The following PCDHA6 variants were observed in gnomAD, a reference collection of about 807,000 sequenced individuals.
PCDHA6 encodes protocadherin alpha 6.
In PCDHA6, 55 loss-of-function variants were observed where a neutral mutation model predicts 60.3. The ratio of observed to expected loss-of-function variants is 0.91; its 90% confidence interval spans 0.73 to 1.14. PCDHA6 has a LOEUF of 1.14. PCDHA6 is among the 50% of genes most tolerant of loss of function. PCDHA6 has a pLI of 0.00. For synonymous variants in PCDHA6, 652 were observed against 557.9 expected, an observed-to-expected ratio of 1.17 and a Z score of -2.38; for missense variants, 1,327 against 1,256.5, an observed-to-expected ratio of 1.06 and a Z score of -0.85.
intron 1 of PCDHA6, chr5:140,870,035 A>G (rs1490530166): frequency 1.2e-6 from 2 of 1,613,656 alleles, no homozygotes; most frequent in African/African-American, 2.7e-5. Context: ...GATTATGAAG[A>G]AAACAAGTTT....
Position 140,828,620 on chromosome 5 carries a change from T to C in PCDHA6, c.529T>C (p.Tyr177His), listed in dbSNP as rs2150157459. The C allele has an allele frequency of 1.9e-6, 3 of 1,614,062 alleles. No individual in the cohort carries two copies. The highest frequency in any genetic ancestry group is 2.7e-5 in the African/African-American group (2 of 74,926). Residue 177 changes from tyrosine to histidine, a missense_variant, in exon 1 of 4, where the codon TAC becomes CAC. Coordinates refer to ENST00000529310, the MANE Select transcript of PCDHA6 (RefSeq NM_018909.4). ...ILTYKLSSSE[Y>H]FGLDVKINSD... ...AACCTATAAACTCAGTTCTAGCGAA[T>C]ACTTCGGGCTAGATGTGAAAATAAA... is the stretch of plus-strand genomic sequence containing the variant.
rs2150160577 is a variant in PCDHA6, at chr5:140,828,908, G to A, written c.817G>A (p.Ala273Thr). Residue 273 changes from alanine to threonine, a missense_variant, in exon 1 of 4, where the codon GCG (alanine) becomes ACG (threonine). Coordinates refer to ENST00000529310, the MANE Select transcript of PCDHA6 (RefSeq NM_018909.4). Reference sequence around the variant, plus strand: ...GAATGCTTCTGATCGGGATGAAGGAGCGAATGGGGCAATTTCATATTCTTT... The same window carrying A: ...GAATGCTTCTGATCGGGATGAAGGAACGAATGGGGCAATTTCATATTCTTT... ...RLNASDRDEG[A>T]NGAISYSFNS... is the part of the protein sequence containing the mutation. The A allele has an allele frequency of 4.2e-5, 67 of 1,614,134 alleles. 1 individual carries two copies. The South Asian group carries it at 6.7e-4, about 16-fold the overall frequency.
chr5:140,913,807 C>A (rs2076472600), intron 1 of PCDHA6, among the ~76,000 whole-genome samples: 1 of 152,068 alleles, frequency 6.6e-6, no homozygotes, highest in African/African-American at 2.4e-5. Flanking sequence ...ATCAAATTTT[C>A]AATTTCCTTT....
chr5:140,883,847 G>A (rs782603246), intron 1 of PCDHA6: 3 of 1,612,878 alleles, frequency 1.9e-6, no homozygotes, highest in Non-Finnish European at 8.5e-7. Flanking sequence ...GGACCACGAG[G>A]AGCTGGAGCT....
chr5:140,961,222 T>C (rs1335870319), intron 1 of PCDHA6, among the ~76,000 whole-genome samples: 1 of 152,118 alleles, frequency 6.6e-6, no homozygotes, highest in East Asian at 1.9e-4. Flanking sequence ...AGAAACTGGG[T>C]CCCAAAAAGG....
intron 1 of PCDHA6, chr5:140,967,123 C>A (rs1554229191): frequency 4.3e-6 from 7 of 1,612,606 alleles, no homozygotes; most frequent in African/African-American, 2.7e-5. Context: ...GCTGCCTGCT[C>A]AGCTTGGAAG....
intron 1 of PCDHA6, chr5:140,875,324 C>T (rs2055413972): frequency 3.5e-6 from 5 of 1,426,162 alleles, no homozygotes; most frequent in East Asian, 5.0e-5. Context: ...CAATCATTCA[C>T]GGAATAGGAT....
chr5:140,842,426 A>G (rs150855027), intron 1 of PCDHA6: 1 of 1,613,494 alleles, frequency 6.2e-7, no homozygotes, highest in African/African-American at 1.3e-5. Context: ...TGGTACTGTC[A>G]TCGCCCTAAT....
intron 1 of PCDHA6, among the ~76,000 whole-genome samples, chr5:140,933,324 G>A (rs563163291): frequency 5.3e-5 from 8 of 151,904 alleles, no homozygotes; most frequent in Non-Finnish European, 1.2e-4. Context: ...GTATTCTCCT[G>A]TGCTGTAGAG....
chr5:140,907,164 G>T (rs1554192895), intron 1 of PCDHA6, among the ~76,000 whole-genome samples: 2 of 152,098 alleles, frequency 1.3e-5, no homozygotes, highest in Non-Finnish European at 2.9e-5. Context: ...ACCATATATT[G>T]GATGCTGATT....
In PCDHA6 at chr5:140,830,182, C is replaced by T. The variant is rs2150182524; in HGVS notation, c.2091C>T (p.Asn697=). The T allele has an allele frequency of 8.7e-6, 14 of 1,613,656 alleles. No homozygotes were observed. The African/African-American group carries it at 1.9e-4, about 21-fold the overall frequency. ...AGPEAALVDV[N]VYLIIAICAV... ...CAGAGGCGGCGCTGGTGGATGTCAA[C>T]GTGTACCTGATCATCGCCATCTGCG... Residue 697 remains asparagine, a synonymous_variant, in exon 1 of 4, where the codon AAC becomes AAT. Transcript: ENST00000529310.
At chr5:140,852,176 A>G in intron 1 of PCDHA6, 1 of 792,442 alleles carries the variant, frequency 1.3e-6, no homozygotes, top group South Asian at 5.6e-5. Flanking sequence ...CACAAAAATA[A>G]CTATGAAAAT....
intron 1 of PCDHA6, among the ~76,000 whole-genome samples, chr5:140,846,369 CTTTCTTTTTTTT>C (rs1156484325): frequency 9.8e-6 from 1 of 102,192 alleles, no homozygotes; most frequent in Non-Finnish European, 2.0e-5. Flanking sequence ...TCTTTTCTTT[CTTTCTTTTTTTT>C]TTTTTTTTTT....
rs148479176 is a variant in PCDHA6, at chr5:140,884,341, G to A, written c.2394+53856G>A. 6.0e-4 allele frequency: 973 copies of A among 1,613,910 alleles called. 19 individuals carry two copies. In the South Asian group the frequency reaches 7.4e-3, roughly 12 times the overall value. On this transcript the variant is annotated intron_variant, in intron 1 of 3. Transcript: ENST00000529310. ...CGGCAGGCGCTGTGGGTCCAGAAGC[G>A]GCGCTGGTGGATGTCAATGTTTACT...
At position 140,927,644 on chromosome 5, in the gene PCDHA6, T is replaced by C. The variant is rs370145398; in HGVS notation, c.2395-51305T>C. On this transcript the variant is annotated intron_variant, in intron 1 of 3. Coordinates refer to ENST00000529310, the MANE Select transcript of PCDHA6 (RefSeq NM_018909.4). The stretch of plus-strand genomic sequence containing the variant: ...CCAGAGACTGCACCCAATGGGACTG[T>C]GTTATTCCGAGTTCAAGCCTTGGAT... The C allele has an allele frequency of 4.6e-5, 74 of 1,614,028 alleles. 1 individual carries two copies. Among genetic ancestry groups the C allele is most frequent in the Non-Finnish European group, 5.8e-5 (68 of 1,180,020 alleles).
chr5:140,884,461 G>A (rs2060188157), intron 1 of PCDHA6: 3 of 1,613,646 alleles, frequency 1.9e-6, no homozygotes, highest in African/African-American at 1.3e-5. Flanking sequence ...CCGAGGGCGC[G>A]TGCGCGCCGG....
rs2150424631 is a variant in PCDHA6 at position 140,848,919 on chromosome 5, A to G, written c.2394+18434A>G. ...CCCAGCGACACAAAAGAATCTGTTC[A>G]TCGCGGAATCCAGGCCGCTTGACTC... is the stretch of plus-strand genomic sequence containing the variant. On this transcript the variant is annotated intron_variant, in intron 1 of 3. Coordinates refer to ENST00000529310, the MANE Select transcript of PCDHA6 (RefSeq NM_018909.4). 5 of 1,608,020 alleles carry G rather than the reference A, an allele frequency of 3.1e-6. No homozygotes were observed. The South Asian group carries it at 5.5e-5, about 18-fold the overall frequency.
In PCDHA6 at chr5:140,851,814, C is replaced by G. The variant is rs1363595383; in HGVS notation, c.2394+21329C>G. On this transcript the variant is annotated intron_variant, in intron 1 of 3. Coordinates refer to ENST00000529310, the MANE Select transcript of PCDHA6 (RefSeq NM_018909.4). The stretch of plus-strand genomic sequence containing the variant: ...CTTGTTCTGTCAGTAATCCATAAGA[C>G]AGAAATCTGTTTTTTTAAAAATATC... 6 of 954,454 alleles carry G rather than the reference C, an allele frequency of 6.3e-6. 1 individual carries two copies. In the African/African-American group the frequency reaches 1.1e-4, roughly 17 times the overall value. 59.1% of individuals were successfully genotyped at this position (954,454 alleles called of 1,614,324 possible). A position where few individuals can be genotyped will look rare whatever the true frequency, so the allele number is the denominator to read the frequency against.
intron 1 of PCDHA6, among the ~76,000 whole-genome samples, chr5:140,958,679 A>G (rs1317780380): frequency 6.6e-6 from 1 of 152,200 alleles, no homozygotes; most frequent in Non-Finnish European, 1.5e-5. Context: ...ATTATAAAGG[A>G]TATTGAATAT....
Sources: allele counts gnomAD v4.1 joint callset (sites outside exome capture counted in the v4.1 genomes callset), GRCh38; gene constraint gnomAD v4.1.1; transcripts MANE v1.5; gene names NCBI Gene and HGNC (gene_info 2026-07-23, HGNC 2026-07-21).